The following CRIM1 variants were observed in gnomAD, a reference collection of about 807,000 sequenced individuals.
CRIM1 encodes the protein cysteine rich transmembrane BMP regulator 1.
Under a neutral mutation model 116.4 loss-of-function variants are expected in CRIM1, and 32 were observed. The observed-to-expected ratio is 0.27, with a 90% confidence interval of 0.21 to 0.37. CRIM1 has a LOEUF of 0.37. Among genes scored for constraint, CRIM1 ranks in the 10% least tolerant of loss-of-function variants. The pLI, the probability that CRIM1 is intolerant of heterozygous loss-of-function variation, is 1.00. For synonymous variants in CRIM1, 590 were observed against 509.2 expected, an observed-to-expected ratio of 1.16 and a Z score of -2.13; for missense variants, 1,331 against 1,354.8, an observed-to-expected ratio of 0.98 and a Z score of 0.28.
At chr2:36,496,431 TA>T (rs780032162) in intron 7 of CRIM1, among the ~76,000 whole-genome samples, 1 of 152,200 alleles carries the variant, frequency 6.6e-6, no homozygotes, top group Non-Finnish European at 1.5e-5. Flanking sequence ...GAAATGGCTG[TA>T]CTTCCCTGTT....
chr2:36,426,016 G>A (rs919375022), intron 2 of CRIM1, among the ~76,000 whole-genome samples: 4 of 152,214 alleles, frequency 2.6e-5, no homozygotes, highest in Admixed American at 2.0e-4. Context: ...ACATATGTAG[G>A]AAGTCATGAA....
chr2:36,362,851 C>G (rs569733263), intron 1 of CRIM1, among the ~76,000 whole-genome samples: 9 of 152,206 alleles, frequency 5.9e-5, no homozygotes, highest in Non-Finnish European at 8.8e-5. Flanking sequence ...TCCTCCAGTC[C>G]CAGTTAATTC....
chr2:36,453,835 TGA>T (rs1416504725), intron 4 of CRIM1, among the ~76,000 whole-genome samples: 1 of 152,204 alleles, frequency 6.6e-6, no homozygotes, highest in African/African-American at 2.4e-5. Context: ...ACTTTTGAAC[TGA>T]GTCTTTAAGA....
chr2:36,479,729 A>G (rs769052711), intron 7 of CRIM1, 35 bp downstream of exon 7: 4 of 1,591,486 alleles, frequency 2.5e-6, no homozygotes, highest in Non-Finnish European at 3.5e-6. Flanking sequence ...TCCCTGGTGA[A>G]TGTCTTCTGT....
intron 14 of CRIM1, among the ~76,000 whole-genome samples, chr2:36,540,823 C>A (rs905047635): frequency 1.3e-5 from 2 of 152,122 alleles, no homozygotes; most frequent in East Asian, 1.9e-4. Context: ...ATAACAAGGA[C>A]CCAAATTCAG....
chr2:36,522,304 T>C lies in CRIM1; in HGVS notation c.2419T>C (p.Tyr807His), dbSNP rs375792661. 120 of 1,612,850 alleles carry C rather than the reference T, an allele frequency of 7.4e-5. No individual in the cohort carries two copies. The highest frequency in any genetic ancestry group is 9.8e-5 in the Non-Finnish European group (116 of 1,178,950). Residue 807 changes from tyrosine to histidine, a missense_variant, in exon 13 of 17, where the codon TAC (tyrosine) becomes CAC (histidine). Around this residue, in one of 3 missense-constraint regions of CRIM1, gnomAD observed 358 missense variants for 436.1 expected, o/e 0.82. Transcript: ENST00000280527. ...PVLRKGQCCP[Y>H]CIEDTIPKKV... ...CTTGAGAAAAGGCCAGTGTTGTCCC[T>C]ACTGCATAGGTAAGACCAAGGAAAA...
chr2:36,539,989 C>T (rs776355107), intron 14 of CRIM1, among the ~76,000 whole-genome samples: 11 of 152,084 alleles, frequency 7.2e-5, no homozygotes, highest in East Asian at 1.9e-4. Context: ...GAAAAGAGAG[C>T]GCAGGACCGA....
At chr2:36,372,217 C>G (rs1157831747) in intron 1 of CRIM1, among the ~76,000 whole-genome samples, 1 of 152,074 alleles carries the variant, frequency 6.6e-6, no homozygotes, top group Non-Finnish European at 1.5e-5. Context: ...CACAATGGTT[C>G]GAGCAGGAAT....
chr2:36,464,204 G>T (rs1296677733), intron 4 of CRIM1, among the ~76,000 whole-genome samples: 1 of 152,178 alleles, frequency 6.6e-6, no homozygotes, highest in East Asian at 1.9e-4. Flanking sequence ...TACATATGAA[G>T]ATGTCCCTGA....
At chr2:36,401,862 G>A (rs973838789) in intron 2 of CRIM1, among the ~76,000 whole-genome samples, 10 of 152,272 alleles carry the variant, frequency 6.6e-5, no homozygotes, top group African/African-American at 1.7e-4. Flanking sequence ...AGATACATAC[G>A]TGACACTGTT....
intron 5 of CRIM1, among the ~76,000 whole-genome samples, chr2:36,472,805 C>A (rs1242249364): frequency 6.6e-6 from 1 of 152,164 alleles, no homozygotes; most frequent in East Asian, 1.9e-4. Context: ...TAAAAGTACT[C>A]CGTTTTCTAT....
At chr2:36,395,961 T>C (rs1271449821) in intron 1 of CRIM1, among the ~76,000 whole-genome samples, 1 of 152,250 alleles carries the variant, frequency 6.6e-6, no homozygotes, top group African/African-American at 2.4e-5. Context: ...AGTCTCACCC[T>C]GTTTCCCAGA....
intron 6 of CRIM1, among the ~76,000 whole-genome samples, chr2:36,477,942 TTCC>T (rs1558348663): frequency 1.3e-5 from 2 of 152,186 alleles, no homozygotes; most frequent in African/African-American, 4.8e-5. Context: ...ACAACACTGT[TTCC>T]CCAGAAAGGA....
chr2:36,508,866 T>C (rs925509483), intron 8 of CRIM1, among the ~76,000 whole-genome samples: 1 of 152,210 alleles, frequency 6.6e-6, no homozygotes, highest in African/African-American at 2.4e-5. Flanking sequence ...AATAGTATTG[T>C]AACTGACTAG....
In CRIM1 at chr2:36,397,528, G is replaced by A. The variant is rs78277701; in HGVS notation, c.505+741G>A. On this transcript the variant is annotated intron_variant, in intron 2 of 16. Coordinates refer to ENST00000280527, the MANE Select transcript of CRIM1 (RefSeq NM_016441.3). ...CGCTAACCAGCATTAAACTCTCGTAGCCCCAGTTTCTTCTTGAGGGAAAAA... is the reference window on the plus strand; with the variant it reads ...CGCTAACCAGCATTAAACTCTCGTAACCCCAGTTTCTTCTTGAGGGAAAAA... Among the ~76,000 whole-genome samples the A allele has an allele frequency of 1.2e-3, 187 of 152,126 alleles. 3 individuals are homozygous for A. The East Asian group carries it at 0.033, about 27-fold the overall frequency.
Position 36,513,596 on chromosome 2 carries a change from T to G in CRIM1, c.1821T>G (p.Thr607=), listed in dbSNP as rs1168793013. 6.8e-6 allele frequency: 11 copies of G among 1,614,158 alleles called. No homozygotes were observed. The highest frequency in any genetic ancestry group is 9.3e-6 in the Non-Finnish European group (11 of 1,180,018). The change falls in exon 11 of 17, where the codon ACT becomes ACG. Residue 607 remains threonine (T), a synonymous_variant. Transcript: ENST00000280527. ...CTGGGCCACCCATCCTGTCGGGCACTTGTCTCACCGTGGATGGTCATCATC... is the reference window on the plus strand; with the variant it reads ...CTGGGCCACCCATCCTGTCGGGCACGTGTCTCACCGTGGATGGTCATCATC... ...ASAGPPILSG[T]CLTVDGHHHK...
At chr2:36,383,048 G>A (rs1304381822) in intron 1 of CRIM1, among the ~76,000 whole-genome samples, 2 of 152,124 alleles carry the variant, frequency 1.3e-5, no homozygotes, top group Non-Finnish European at 2.9e-5. Flanking sequence ...TTTGGATAGT[G>A]TTTTTGAGAC....
chr2:36,454,446 G>T (rs1317050166), intron 4 of CRIM1, among the ~76,000 whole-genome samples: 2 of 152,142 alleles, frequency 1.3e-5, no homozygotes, highest in Non-Finnish European at 2.9e-5. Context: ...CATCATGGAA[G>T]AAGTGATCGT....
intron 7 of CRIM1, among the ~76,000 whole-genome samples, chr2:36,487,626 AAAAT>A (rs1679924313): frequency 6.8e-6 from 1 of 147,880 alleles, no homozygotes; most frequent in African/African-American, 2.7e-5. Context: ...AAGTGACAGT[AAAAT>A]AAAGGCACTT....
Sources: allele counts gnomAD v4.1 joint callset (sites outside exome capture counted in the v4.1 genomes callset), GRCh38; gene constraint gnomAD v4.1.1; regional missense constraint gnomAD v4.1.1; transcripts MANE v1.5; gene names NCBI Gene and HGNC (gene_info 2026-07-23, HGNC 2026-07-21).